Variants in ALPK1 observed in about 807,000 individuals in gnomAD.
ALPK1 encodes alpha kinase 1.
ALPK1 carries 110 observed loss-of-function variants against 120.6 expected under a neutral mutation model. That is an observed-to-expected ratio of 0.91 (90% CI 0.78 to 1.07). The LOEUF is 1.07. Ranked by LOEUF, ALPK1 falls within the 50% of genes least tolerant of loss-of-function variation. ALPK1 has a pLI of 0.00. For missense variants in ALPK1, 1,498 were observed against 1,483.9 expected, an observed-to-expected ratio of 1.01 and a Z score of -0.16; for synonymous variants, 582 against 560.3, an observed-to-expected ratio of 1.04 and a Z score of -0.55.
At position 112,431,602 on chromosome 4, in the gene ALPK1, C is replaced by T. The variant is rs762046564; in HGVS notation, c.2055C>T (p.Ala685=). Residue 685 remains alanine (A), a synonymous_variant, in exon 11 of 16, where the codon GCC becomes GCT. Transcript: ENST00000650871. ...SPHNTPGIFL[A]PGAGLLEGAP... ...ATAATACCCCAGGCATTTTCTTGGC[C>T]CCTGGTGCAGGGCTTCTAGAAGGAG... 1 of 1,614,090 alleles carries T rather than the reference C, an allele frequency of 6.2e-7. No homozygotes were observed. Among genetic ancestry groups the T allele is most frequent in the South Asian group, 1.1e-5 (1 of 91,078 alleles).
chr4:112,374,257 A>G (rs1731551233), intron 2 of ALPK1, among the ~76,000 whole-genome samples: 1 of 152,218 alleles, frequency 6.6e-6, no homozygotes, highest in Admixed American at 6.5e-5. Flanking sequence ...AGTAGATTTC[A>G]TCTCAAGAAA....
At chr4:112,368,864 A>C (rs530287376) in intron 2 of ALPK1, among the ~76,000 whole-genome samples, 2 of 152,260 alleles carry the variant, frequency 1.3e-5, no homozygotes, top group Admixed American at 1.3e-4. Flanking sequence ...TGGGGTGTGC[A>C]GTCTCCACTT....
intron 1 of ALPK1, among the ~76,000 whole-genome samples, chr4:112,305,228 T>TGTGG (rs1030531473): frequency 6.6e-6 from 1 of 152,078 alleles, no homozygotes; most frequent in African/African-American, 2.4e-5. Flanking sequence ...GTCTTGGTGA[T>TGTGG]GTGGGCTCTT....
At chr4:112,348,136 A>G (rs556214597) in intron 2 of ALPK1, among the ~76,000 whole-genome samples, 68 of 152,328 alleles carry the variant, frequency 4.5e-4, no homozygotes, top group African/African-American at 1.5e-3. Flanking sequence ...ACTTAGCCGC[A>G]TTTCACTCAG....
At chr4:112,437,067 GACATCCTGTGT>G (rs1262858692) in intron 12 of ALPK1, among the ~76,000 whole-genome samples, 1 of 152,144 alleles carries the variant, frequency 6.6e-6, no homozygotes, top group Non-Finnish European at 1.5e-5. Flanking sequence ...CAGGTAGTCA[GACATCCTGTGT>G]ACCTAGTTTG....
In ALPK1 at chr4:112,429,153, T is replaced by G; in HGVS notation, c.800T>G (p.Leu267Arg). ...TAGCCTCCTGTTTTCTCACAGAGCC[T>G]GCTGAAGGAGTTTGACCACCATTTG... ...FKNNPQINLS[L>R]LKEFDHHLLS... The change falls in exon 10 of 16, where the codon CTG (leucine) becomes CGG (arginine). Residue 267 changes from leucine to arginine, a missense_variant. Transcript: ENST00000650871. 1 of 1,613,378 alleles carries G rather than the reference T, an allele frequency of 6.2e-7. No homozygotes were observed. The highest frequency in any genetic ancestry group is 8.5e-7 in the Non-Finnish European group (1 of 1,179,904).
At chr4:112,302,729 A>AAATC (rs1727843870) in intron 1 of ALPK1, among the ~76,000 whole-genome samples, 1 of 119,912 alleles carries the variant, frequency 8.3e-6, no homozygotes, top group Admixed American at 9.2e-5. Context: ...TATCCTGAAA[A>AAATC]AAGCAAGCAA....
At chr4:112,309,021 C>T (rs1035880210) in intron 1 of ALPK1, among the ~76,000 whole-genome samples, 1 of 152,128 alleles carries the variant, frequency 6.6e-6, no homozygotes, top group African/African-American at 2.4e-5. Flanking sequence ...CACTCCAGAC[C>T]CTGTTTGCCT....
chr4:112,386,425 G>A (rs1369023430), intron 4 of ALPK1, among the ~76,000 whole-genome samples: 8 of 152,160 alleles, frequency 5.3e-5, no homozygotes, highest in Non-Finnish European at 1.0e-4. Context: ...CAGTGTTTTT[G>A]GTATTATGCC....
At chr4:112,308,418 C>A (rs2110527980) in intron 1 of ALPK1, among the ~76,000 whole-genome samples, 1 of 152,196 alleles carries the variant, frequency 6.6e-6, no homozygotes, top group East Asian at 1.9e-4. Context: ...GTCACATAGT[C>A]CCATATTTCT....
chr4:112,349,610 G>A (rs1730257526), intron 2 of ALPK1, among the ~76,000 whole-genome samples: 1 of 137,118 alleles, frequency 7.3e-6, no homozygotes, highest in Non-Finnish European at 1.5e-5. Context: ...CTAGAGTGCA[G>A]TGGTGCAATC....
chr4:112,346,367 C>T (rs1368848744), intron 2 of ALPK1, among the ~76,000 whole-genome samples: 1 of 152,186 alleles, frequency 6.6e-6, no homozygotes, highest in Non-Finnish European at 1.5e-5. Flanking sequence ...CATGAGGACT[C>T]TTAACGACAT....
intron 2 of ALPK1, among the ~76,000 whole-genome samples, chr4:112,362,302 G>A (rs567283786): frequency 2.6e-5 from 4 of 152,210 alleles, no homozygotes; most frequent in Non-Finnish European, 5.9e-5. Flanking sequence ...GGAGCCACCA[G>A]AGAAAGGTGA....
intron 2 of ALPK1, chr4:112,358,533 G>A: frequency 1.5e-6 from 1 of 689,156 alleles, no homozygotes; most frequent in East Asian, 2.6e-5. Context: ...CCGGAGGGCA[G>A]CCTGTATATG....
chr4:112,370,195 G>C (rs1731340476), intron 2 of ALPK1, among the ~76,000 whole-genome samples: 1 of 152,118 alleles, frequency 6.6e-6, no homozygotes, highest in African/African-American at 2.4e-5. Context: ...CCATAACTAA[G>C]CCACTCAACT....
chr4:112,322,079 T>C (rs1311440624), intron 2 of ALPK1, among the ~76,000 whole-genome samples: 2 of 152,338 alleles, frequency 1.3e-5, no homozygotes, highest in East Asian at 1.9e-4. Context: ...CAAACATTTG[T>C]TGGTGTTGGC....
chr4:112,303,191 C>A (rs560138138), intron 1 of ALPK1, among the ~76,000 whole-genome samples: 3 of 152,278 alleles, frequency 2.0e-5, no homozygotes, highest in African/African-American at 7.2e-5. Context: ...TTCTCTCTTA[C>A]TGTGTGTTCA....
chr4:112,354,553 C>T (rs555377822), intron 2 of ALPK1, among the ~76,000 whole-genome samples: 6 of 152,236 alleles, frequency 3.9e-5, no homozygotes, highest in South Asian at 2.1e-4. Context: ...CTGCAGCCTC[C>T]GCCTCCCAGG....
intron 5 of ALPK1, among the ~76,000 whole-genome samples, chr4:112,413,259 A>G (rs1164875203): frequency 6.6e-6 from 1 of 152,186 alleles, no homozygotes; most frequent in Non-Finnish European, 1.5e-5. Context: ...GGGTTCTAAT[A>G]TTGGTTCTCA....
Sources: allele counts gnomAD v4.1 joint callset (sites outside exome capture counted in the v4.1 genomes callset), GRCh38; gene constraint gnomAD v4.1.1; transcripts MANE v1.5; gene names NCBI Gene and HGNC (gene_info 2026-07-23, HGNC 2026-07-21).